Variants in PTPRD observed in about 807,000 individuals in gnomAD.
PTPRD encodes receptor-type tyrosine-protein phosphatase delta.
In PTPRD, 34 loss-of-function variants were observed where a neutral mutation model predicts 214.5. The ratio of observed to expected loss-of-function variants is 0.16; its 90% CI spans 0.12 to 0.21. The LOEUF is 0.21. Ranked by LOEUF, PTPRD falls within the 10% of genes least tolerant of loss-of-function variation. The probability of loss-of-function intolerance (pLI) is 1.00; values close to 1 mark genes in which losing one functional copy is unlikely to be tolerated. For synonymous variants in PTPRD, 1,128 were observed against 845.7 expected (o/e 1.33, Z -5.79); for missense variants, 2,545 against 2,398.7 (o/e 1.06, Z -1.27).
chr9:10,099,746 T>C (rs890703442), intron 3 of PTPRD, among the ~76,000 whole-genome samples: 1 of 151,556 alleles, frequency 6.6e-6, no homozygotes, highest in Non-Finnish European at 1.5e-5. Context: ...AATAAAAGAG[T>C]GTGGAAGTGG....
intron 2 of PTPRD, among the ~76,000 whole-genome samples, chr9:10,406,765 T>C (rs1301623311): frequency 6.6e-6 from 1 of 151,376 alleles, no homozygotes; most frequent in African/African-American, 2.4e-5. Flanking sequence ...ATTTCACATG[T>C]CAGCATGGGT....
intron 7 of PTPRD, among the ~76,000 whole-genome samples, chr9:9,725,592 T>C (rs547455085): frequency 2.0e-5 from 3 of 152,280 alleles, no homozygotes; most frequent in South Asian, 2.1e-4. Context: ...TCTCCTTATC[T>C]CCATTCCATT....
chr9:9,324,210 T>C (rs975323209), intron 9 of PTPRD, among the ~76,000 whole-genome samples: 1 of 152,156 alleles, frequency 6.6e-6, no homozygotes. Flanking sequence ...CACGCAGTAA[T>C]GGGATGGCTG....
chr9:8,370,659 G>C (rs1500322), intron 39 of PTPRD, among the ~76,000 whole-genome samples: 85,066 of 151,852 alleles, frequency 0.56, 27,663 homozygotes, highest in Non-Finnish European at 0.75. Context: ...ATGTGGTATG[G>C]AATCAGAAAG....
At chr9:9,801,282 T>C (rs1039452505) in intron 5 of PTPRD, among the ~76,000 whole-genome samples, 1 of 152,038 alleles carries the variant, frequency 6.6e-6, no homozygotes, top group African/African-American at 2.4e-5. Flanking sequence ...CTACTAGCTT[T>C]AAGCTGACCC....
At chr9:8,382,888 C>T (rs749137594) in intron 37 of PTPRD, among the ~76,000 whole-genome samples, 12 of 152,170 alleles carry the variant, frequency 7.9e-5, no homozygotes, top group East Asian at 3.8e-4. Context: ...ATGTTCACGG[C>T]CTTTGGCGCT....
chr9:8,561,557 C>A (rs895622864), intron 14 of PTPRD, among the ~76,000 whole-genome samples: 17 of 152,092 alleles, frequency 1.1e-4, no homozygotes, highest in East Asian at 1.9e-4. Context: ...CGAGACTCAG[C>A]GGGCTGACTG....
At chr9:8,598,264 C>A (rs1303947709) in intron 14 of PTPRD, among the ~76,000 whole-genome samples, 1 of 152,038 alleles carries the variant, frequency 6.6e-6, no homozygotes, top group South Asian at 2.1e-4. Context: ...CCAGCCTGGC[C>A]AACATGGTGA....
chr9:9,288,589 T>C (rs1950221697), intron 9 of PTPRD, among the ~76,000 whole-genome samples: 1 of 151,958 alleles, frequency 6.6e-6, no homozygotes, highest in African/African-American at 2.4e-5. Context: ...TTGTTAATTA[T>C]AATTGAATCA....
chr9:9,677,602 A>C (rs2096961801), intron 7 of PTPRD, among the ~76,000 whole-genome samples: 1 of 152,082 alleles, frequency 6.6e-6, no homozygotes, highest in African/African-American at 2.4e-5. Context: ...ACAAACCCAC[A>C]GCCAGTATCA....
At chr9:8,525,391 T>G (rs889364312) in intron 17 of PTPRD, among the ~76,000 whole-genome samples, 13 of 152,122 alleles carry the variant, frequency 8.5e-5, no homozygotes. Context: ...TTTTTGGTTT[T>G]GTTTTGTTTC....
chr9:9,924,716 T>G (rs955309659), intron 5 of PTPRD, among the ~76,000 whole-genome samples: 1 of 152,136 alleles, frequency 6.6e-6, no homozygotes, highest in East Asian at 1.9e-4. Context: ...GATGTTCTTA[T>G]TGTCCTTCGT....
chr9:9,411,488 C>T (rs141391967), intron 8 of PTPRD, among the ~76,000 whole-genome samples: 1 of 152,138 alleles, frequency 6.6e-6, no homozygotes, highest in Non-Finnish European at 1.5e-5. Context: ...AGCCAAATTA[C>T]TCTTTTACTC....
intron 11 of PTPRD, among the ~76,000 whole-genome samples, chr9:8,743,862 G>C (rs767742993): frequency 6.6e-6 from 1 of 150,792 alleles, no homozygotes; most frequent in Non-Finnish European, 1.5e-5. Flanking sequence ...CCTACAGAGT[G>C]GGAGAAAATC....
chr9:9,887,505 A>C (rs1289926401), intron 5 of PTPRD, among the ~76,000 whole-genome samples: 1 of 152,176 alleles, frequency 6.6e-6, no homozygotes, highest in Non-Finnish European at 1.5e-5. Context: ...AGCATGAAGC[A>C]GCTGATCTTA....
At chr9:10,124,478 A>G (rs925016805) in intron 3 of PTPRD, among the ~76,000 whole-genome samples, 1 of 152,168 alleles carries the variant, frequency 6.6e-6, no homozygotes, top group African/African-American at 2.4e-5. Flanking sequence ...ACATGCTCTG[A>G]AATACAAGTG....
chr9:9,349,461 C>T (rs779268082), intron 9 of PTPRD, among the ~76,000 whole-genome samples: 9 of 151,990 alleles, frequency 5.9e-5, no homozygotes, highest in Non-Finnish European at 8.8e-5. Context: ...AAGATTGCTG[C>T]CACAGGTAAA....
At chr9:9,730,732 A>G (rs2098174410) in intron 7 of PTPRD, among the ~76,000 whole-genome samples, 1 of 152,104 alleles carries the variant, frequency 6.6e-6, no homozygotes, top group African/African-American at 2.4e-5. Context: ...TTGATTCATT[A>G]AGTATGAGAC....
chr9:9,633,232 T>C (rs1303385022), intron 7 of PTPRD, among the ~76,000 whole-genome samples: 2 of 151,354 alleles, frequency 1.3e-5, no homozygotes, highest in South Asian at 2.1e-4. Context: ...GAGGCGGAGG[T>C]TGAAGTAAGC....
Sources: gnomAD v4.1 joint callset for allele counts (sites outside exome capture counted in the v4.1 genomes callset) on GRCh38, gnomAD v4.1.1 for gene constraint, MANE v1.5 for transcripts, NCBI Gene and HGNC (gene_info 2026-07-23, HGNC 2026-07-21) for gene names.